The following UIMC1 variants were observed in gnomAD, a reference collection of about 807,000 sequenced individuals.
UIMC1 encodes ubiquitin interaction motif containing 1, also known as BRCA1-A complex subunit RAP80.
Under a neutral mutation model 84.9 loss-of-function variants are expected in UIMC1, and 42 were observed. That is an observed-to-expected ratio of 0.49 (90% confidence interval 0.39 to 0.64). The LOEUF (loss-of-function observed/expected upper bound fraction) is 0.64, where lower values mean the gene tolerates loss of function less well. Among genes scored for constraint, UIMC1 ranks in the 30% least tolerant of loss-of-function variants. The probability of loss-of-function intolerance (pLI) is 0.00; values close to 1 mark genes in which losing one functional copy is unlikely to be tolerated. For missense variants in UIMC1, 825 were observed against 847.6 expected, an observed-to-expected ratio of 0.97 and a Z score of 0.33; for synonymous variants, 281 against 293.0, an observed-to-expected ratio of 0.96 and a Z score of 0.42.
chr5:176,909,279 C>G (rs1025781022), intron 11 of UIMC1, among the ~76,000 whole-genome samples: 1 of 152,076 alleles, frequency 6.6e-6, no homozygotes, highest in African/African-American at 2.4e-5. Flanking sequence ...TTTAAAAGAG[C>G]AGAGTTTGGG....
At position 176,969,336 on chromosome 5, in the gene UIMC1, A is replaced by C. The variant is rs565072999; in HGVS notation, c.464-45T>G. On this transcript the variant is annotated intron_variant, in intron 5 of 14. Coordinates refer to ENST00000511320, the MANE Select transcript of UIMC1 (RefSeq NM_001199298.2). ...AGTAGGGCTAAGGACAAACTTTTTT[A>C]TTAAGAGGGCTTGGTAAGTTATCAC... 1.6e-5 allele frequency: 25 copies of C among 1,548,726 alleles called. No individual in the cohort carries two copies. In the East Asian group the frequency reaches 5.2e-4, roughly 32 times the overall value.
chr5:176,982,353 T>A (rs1479276118), intron 2 of UIMC1, 116 bp downstream of exon 2: 1 of 1,210,954 alleles, frequency 8.3e-7, no homozygotes, highest in Non-Finnish European at 1.1e-6. Flanking sequence ...GAGTAAAAAT[T>A]TCATGGTTTT....
At chr5:177,015,718 T>G (rs1017361332) in intron 1 of UIMC1, among the ~76,000 whole-genome samples, 1 of 152,058 alleles carries the variant, frequency 6.6e-6, no homozygotes, top group Non-Finnish European at 1.5e-5. Flanking sequence ...CCTTAGAAAG[T>G]CTCTAAATTA....
chr5:176,964,113 CTT>C (rs2149476630), intron 6 of UIMC1, among the ~76,000 whole-genome samples: 1 of 152,286 alleles, frequency 6.6e-6, no homozygotes, highest in African/African-American at 2.4e-5. Context: ...TTGAGACTCT[CTT>C]GCTATCTCTA....
intron 1 of UIMC1, among the ~76,000 whole-genome samples, chr5:176,986,645 A>G (rs1334388941): frequency 1.3e-5 from 2 of 151,850 alleles, no homozygotes; most frequent in Non-Finnish European, 2.9e-5. Flanking sequence ...TTAAGAGACC[A>G]GCCTCATCAA....
At chr5:176,965,317 G>A (rs1768115544) in intron 6 of UIMC1, among the ~76,000 whole-genome samples, 3 of 151,796 alleles carry the variant, frequency 2.0e-5, no homozygotes, top group African/African-American at 4.8e-5. Context: ...CAGCTACTCA[G>A]GAGGCTGAGG....
chr5:176,980,627 T>C (rs1770889975), intron 2 of UIMC1, among the ~76,000 whole-genome samples: 1 of 152,202 alleles, frequency 6.6e-6, no homozygotes, highest in African/African-American at 2.4e-5. Context: ...TTCTAAACTG[T>C]TATGTTATGG....
At chr5:177,007,139 G>A (rs987632972), upstream of UIMC1, among the ~76,000 whole-genome samples, 7 of 152,004 alleles carry the variant, frequency 4.6e-5, no homozygotes, top group Non-Finnish European at 1.0e-4. Flanking sequence ...TCGGGAGTTC[G>A]AGACCAGCCT....
At position 176,960,592 on chromosome 5, in the gene UIMC1, A is replaced by T. The variant is rs1767231564; in HGVS notation, c.1201-2438T>A. On this transcript the variant is annotated intron_variant, in intron 6 of 14. Transcript: ENST00000511320. The stretch of plus-strand genomic sequence containing the variant: ...GCATTGAATCTTAAAAAAAAAAAAA[A>T]ATTCAGCCCTCTCTCCCTCTCCCCC... Among the ~76,000 whole-genome samples the T allele has an allele frequency of 2.4e-5, 2 of 83,630 alleles. 1 individual carries two copies. Among genetic ancestry groups the T allele is most frequent in the South Asian group, 7.2e-4 (2 of 2,782 alleles). The allele number at this position is 83,630 out of a possible 152,430, so 54.9% of individuals were successfully genotyped here.
At chr5:176,975,697 A>G (rs1769954718) in intron 2 of UIMC1, among the ~76,000 whole-genome samples, 1 of 152,224 alleles carries the variant, frequency 6.6e-6, no homozygotes, top group African/African-American at 2.4e-5. Flanking sequence ...ATATATTGGC[A>G]TTATTATCTG....
In UIMC1 at chr5:176,943,403, T is replaced by C. The variant is rs1485715940; in HGVS notation, c.1529A>G (p.Gln510Arg). The C allele has an allele frequency of 1.9e-6, 3 of 1,614,066 alleles. No individual in the cohort carries two copies. Among genetic ancestry groups the C allele is most frequent in the Non-Finnish European group, 2.5e-6 (3 of 1,180,042 alleles). Reference protein sequence around the residue: ...SNQVSCPLCDQCFPPTKIERH... With the variant: ...SNQVSCPLCDRCFPPTKIERH... ...TTCAATCTTTGTGGGTGGAAAGCAT[T>C]GGTCACATAGCGGGCAGGATACCTG... The change falls in exon 10 of 15, where the codon CAA (glutamine) becomes CGA (arginine). Residue 510 changes from glutamine (Q) to arginine (R), a missense_variant. Physicochemically the swap from Gln to Arg is conservative, Grantham distance 43. Coordinates refer to ENST00000511320, the MANE Select transcript of UIMC1 (RefSeq NM_001199298.2).
chr5:176,975,405 T>G lies in UIMC1; in HGVS notation c.223A>C (p.Lys75Gln). 2 of 1,613,940 alleles carry G rather than the reference T, an allele frequency of 1.2e-6. No homozygotes were observed. The highest frequency in any genetic ancestry group is 1.7e-6 in the Non-Finnish European group (2 of 1,179,928). ...SNRAKCLAKR[K>Q]IAQMTEEEQF... The stretch of plus-strand genomic sequence containing the variant: ...CAAAATGAAAACATACGTGCGATTT[T>G]TCTTTTGGCCAAACACTTTGCTCTA... The change falls in exon 3 of 15, where the codon AAA (lysine) becomes CAA (glutamine). Residue 75 changes from lysine to glutamine, a missense_variant. Lys to Gln is a moderately conservative substitution (Grantham distance 53). Transcript: ENST00000511320.
At chr5:176,999,070 T>C (rs1397795542) in intron 1 of UIMC1, among the ~76,000 whole-genome samples, 1 of 152,028 alleles carries the variant, frequency 6.6e-6, no homozygotes, top group Non-Finnish European at 1.5e-5. Context: ...TGCATACCTG[T>C]AGTCCCAGCT....
intron 2 of UIMC1, among the ~76,000 whole-genome samples, chr5:176,978,019 G>T (rs544029216): frequency 3.9e-5 from 6 of 152,062 alleles, no homozygotes; most frequent in Admixed American, 1.3e-4. Context: ...CAGAAAAAAA[G>T]ACTTTTTTTC....
chr5:176,973,765 T>C (rs1455043253), intron 3 of UIMC1, among the ~76,000 whole-genome samples: 4 of 152,080 alleles, frequency 2.6e-5, no homozygotes, highest in Admixed American at 2.6e-4. Flanking sequence ...TAGCTGGATG[T>C]GGTGGTATAC....
chr5:176,944,498 C>T (rs1764840845), intron 9 of UIMC1, among the ~76,000 whole-genome samples: 2 of 152,332 alleles, frequency 1.3e-5, no homozygotes, highest in South Asian at 4.1e-4. Context: ...GACAGCATGT[C>T]CTATCCAATC....
chr5:176,978,411 A>G (rs1167718668), intron 2 of UIMC1, among the ~76,000 whole-genome samples: 1 of 152,154 alleles, frequency 6.6e-6, no homozygotes, highest in Non-Finnish European at 1.5e-5. Context: ...ATCATTTGGT[A>G]GCCCGGTTTT....
At chr5:176,944,713 C>A (rs1424570872) in intron 9 of UIMC1, among the ~76,000 whole-genome samples, 1 of 152,168 alleles carries the variant, frequency 6.6e-6, no homozygotes, top group Non-Finnish European at 1.5e-5. Flanking sequence ...TCTCTAAAAC[C>A]TAATGCTTAT....
intron 10 of UIMC1, among the ~76,000 whole-genome samples, chr5:176,928,107 G>C (rs1214747773): frequency 6.6e-6 from 1 of 152,128 alleles, no homozygotes; most frequent in Non-Finnish European, 1.5e-5. Context: ...GCCTCCAAAA[G>C]TGCTAGGATT....
Sources: allele counts gnomAD v4.1 joint callset (sites outside exome capture counted in the v4.1 genomes callset), GRCh38; gene constraint gnomAD v4.1.1; transcripts MANE v1.5; gene names NCBI Gene and HGNC (gene_info 2026-07-23, HGNC 2026-07-21).